The following GFOD1 variants were observed in gnomAD, a reference collection of about 807,000 sequenced individuals.
The protein encoded by GFOD1 is Gfo/Idh/MocA-like oxidoreductase domain containing 1.
GFOD1 carries 9 observed loss-of-function variants against 25.4 expected under a neutral mutation model. The ratio of observed to expected loss-of-function variants is 0.35; its 90% CI spans 0.21 to 0.62. The LOEUF (loss-of-function observed/expected upper bound fraction) is 0.62, where lower values mean the gene tolerates loss of function less well. Ranked by LOEUF, GFOD1 falls within the 20% of genes least tolerant of loss-of-function variation. The pLI, the probability that GFOD1 is intolerant of heterozygous loss-of-function variation, is 0.72. For missense variants in GFOD1, 403 were observed against 556.9 expected (o/e 0.72, Z 2.78); for synonymous variants, 253 against 245.6 (o/e 1.03, Z -0.28).
chr6:13,468,599 C>G (rs1025340766), intron 1 of GFOD1, among the ~76,000 whole-genome samples: 11 of 152,210 alleles, frequency 7.2e-5, no homozygotes, highest in African/African-American at 2.7e-4. Context: ...CACAACTCTG[C>G]AGAGACCTCG....
chr6:13,431,540 T>A (rs953094864), intron 1 of GFOD1, among the ~76,000 whole-genome samples: 4 of 152,218 alleles, frequency 2.6e-5, no homozygotes, highest in Admixed American at 2.6e-4. Flanking sequence ...CTCCAGATAA[T>A]TCCACACTCA....
In GFOD1 at chr6:13,487,233, G is replaced by A; in HGVS notation, c.-343C>T. The A allele has an allele frequency of 3.9e-6, 1 of 253,490 alleles. No individual in the cohort carries two copies. The highest frequency in any genetic ancestry group is 7.8e-5 in the East Asian group (1 of 12,808). 15.7% of individuals were successfully genotyped at this position (253,490 alleles called of 1,614,324 possible). ...TCCCGCGGCAGCGCCAGTCCGCTGCGTGCGCCCCGCCAAGGCCGCTCCATG... is the reference window on the plus strand; with the variant it reads ...TCCCGCGGCAGCGCCAGTCCGCTGCATGCGCCCCGCCAAGGCCGCTCCATG... On this transcript the variant is annotated 5_prime_UTR_variant, in exon 1 of 2. It adds an upstream start codon to the 5' untranslated region. Transcript: ENST00000379287. The surrounding 1 kb of genome is among the most constrained non-coding windows in gnomAD (Gnocchi z 4.9).
At chr6:13,434,912 C>A (rs1336721244) in intron 1 of GFOD1, among the ~76,000 whole-genome samples, 1 of 152,224 alleles carries the variant, frequency 6.6e-6, no homozygotes, top group African/African-American at 2.4e-5. Flanking sequence ...GACCCTTCAA[C>A]AGACCACTTG....
intron 1 of GFOD1, among the ~76,000 whole-genome samples, chr6:13,425,983 G>A (rs755885986): frequency 4.6e-5 from 7 of 152,198 alleles, no homozygotes; most frequent in African/African-American, 7.2e-5. Flanking sequence ...AAGCCGTGCC[G>A]GGCTGCAGGC....
At chr6:13,466,933 CACATATGCACACAT>C in intron 1 of GFOD1, among the ~76,000 whole-genome samples, 1 of 150,824 alleles carries the variant, frequency 6.6e-6, no homozygotes. Flanking sequence ...CACACACATA[CACATATGCACACAT>C]ACACACACGT....
chr6:13,364,779 C>G lies in GFOD1; in HGVS notation c.1137G>C (p.Glu379Asp), dbSNP rs541118612. ...PELSPAYLIS[E>D]AMRRSRMSLY... ...GGGACATCCTGCTGCGGCGCATGGCCTCGCTGATCAGGTAGGCGGGGCTCA... is the reference window on the plus strand; with the variant it reads ...GGGACATCCTGCTGCGGCGCATGGCGTCGCTGATCAGGTAGGCGGGGCTCA... The change falls in exon 2 of 2, where the codon GAG becomes GAC. Residue 379 changes from glutamate (E) to aspartate (D), a missense_variant. Physicochemically the swap from Glu to Asp is conservative, Grantham distance 45. Transcript: ENST00000379287. The surrounding 1 kb of genome is among the most constrained non-coding windows in gnomAD (Gnocchi z 4.1). 3.1e-6 allele frequency: 5 copies of G among 1,613,714 alleles called. No homozygotes were observed. In the South Asian group the frequency reaches 3.3e-5, roughly 11 times the overall value.
intron 1 of GFOD1, among the ~76,000 whole-genome samples, chr6:13,413,351 T>C (rs1786110742): frequency 6.6e-6 from 1 of 152,156 alleles, no homozygotes; most frequent in South Asian, 2.1e-4. Context: ...CCTCCAGTTT[T>C]CTCTCCTGCC....
intron 1 of GFOD1, among the ~76,000 whole-genome samples, chr6:13,434,789 C>T (rs908899821): frequency 6.6e-6 from 1 of 152,214 alleles, no homozygotes; most frequent in African/African-American, 2.4e-5. Flanking sequence ...AGTAGGTTCT[C>T]AGAAGAGCAG....
At chr6:13,396,414 G>C (rs1184612573) in intron 1 of GFOD1, among the ~76,000 whole-genome samples, 1 of 152,210 alleles carries the variant, frequency 6.6e-6, no homozygotes, top group East Asian at 1.9e-4. Context: ...CTGAGTTACA[G>C]AGAGCTGTGC....
chr6:13,390,000 C>T (rs1785553659), intron 1 of GFOD1, among the ~76,000 whole-genome samples: 1 of 152,050 alleles, frequency 6.6e-6, no homozygotes, highest in South Asian at 2.1e-4. Flanking sequence ...CACCTTCCCT[C>T]CTTTGCTACC....
At chr6:13,424,998 G>T (rs1786327882) in intron 1 of GFOD1, among the ~76,000 whole-genome samples, 1 of 137,542 alleles carries the variant, frequency 7.3e-6, no homozygotes. Context: ...TCATCCTGTA[G>T]CCCAGGCTGG....
At chr6:13,392,278 A>G (rs549247458) in intron 1 of GFOD1, among the ~76,000 whole-genome samples, 37 of 150,690 alleles carry the variant, frequency 2.5e-4, no homozygotes, top group African/African-American at 8.1e-4. Context: ...CGGGAGGATC[A>G]CTTGAGCACG....
intron 1 of GFOD1, among the ~76,000 whole-genome samples, chr6:13,475,765 A>C (rs1280357829): frequency 7.1e-6 from 1 of 141,464 alleles, no homozygotes; most frequent in Non-Finnish European, 1.6e-5. Flanking sequence ...TAATAATAAT[A>C]ATACAAAAAT....
At chr6:13,379,674 A>G (rs1785320707) in intron 1 of GFOD1, among the ~76,000 whole-genome samples, 1 of 152,234 alleles carries the variant, frequency 6.6e-6, no homozygotes, top group Non-Finnish European at 1.5e-5. Flanking sequence ...TGAGGAACTA[A>G]GGTCCTTTCA....
intron 1 of GFOD1, among the ~76,000 whole-genome samples, chr6:13,437,862 C>T (rs183705981): frequency 6.6e-6 from 1 of 152,214 alleles, no homozygotes; most frequent in Admixed American, 6.5e-5. Context: ...CTTTGTTCAG[C>T]AAACATCTAT....
chr6:13,412,548 C>A lies in GFOD1; in HGVS notation c.254-46886G>T, dbSNP rs1327840285. On this transcript the variant is annotated intron_variant, in intron 1 of 1. Transcript: ENST00000379287. ...AACTGATATTCAACCAGTGTGGAAG[C>A]AGAGCCAACATCACTTCTGGTTGGC... is the stretch of plus-strand genomic sequence containing the variant. 3.3e-5 allele frequency among the ~76,000 whole-genome samples: 5 copies of A among 152,236 alleles called. No homozygotes were observed. The South Asian group carries it at 6.2e-4, about 19-fold the overall frequency.
In GFOD1 at chr6:13,419,695, C is replaced by T. The variant is rs567576099; in HGVS notation, c.254-54033G>A. ...CGCCGCTCCTCTGACTTCTCCCCCT[C>T]GCTTGTTTCTTTCCAGCTCACCACC... On this transcript the variant is annotated intron_variant, in intron 1 of 1. Transcript: ENST00000379287. Among the ~76,000 whole-genome samples, 75 of 152,192 alleles carry T rather than the reference C, an allele frequency of 4.9e-4. 1 individual carries two copies. Among genetic ancestry groups the T allele is most frequent in the Admixed American group, 2.7e-3 (42 of 15,286 alleles).
intron 1 of GFOD1, among the ~76,000 whole-genome samples, chr6:13,427,825 CCT>C (rs548597069): frequency 4.3e-4 from 66 of 152,248 alleles, no homozygotes; most frequent in African/African-American, 1.5e-3. Flanking sequence ...TCCTGGTGCC[CCT>C]GACAGGCACC....
At chr6:13,484,980 TATAAG>T (rs1299050671) in intron 1 of GFOD1, among the ~76,000 whole-genome samples, 13 of 152,352 alleles carry the variant, frequency 8.5e-5, no homozygotes, top group African/African-American at 2.9e-4. Flanking sequence ...ATAAGATCGT[TATAAG>T]ATATTTGATA....
Sources: gnomAD v4.1 joint callset for allele counts (sites outside exome capture counted in the v4.1 genomes callset) on GRCh38, gnomAD v4.1.1 for gene constraint, Gnocchi (gnomAD v3.1) non-coding constraint, MANE v1.5 for transcripts, NCBI Gene and HGNC (gene_info 2026-07-23, HGNC 2026-07-21) for gene names.